The following PLTP variants were observed in gnomAD, a reference collection of about 807,000 sequenced individuals.
The protein encoded by PLTP is phospholipid transfer protein.
Under a neutral mutation model 54.1 loss-of-function variants are expected in PLTP, and 43 were observed. The ratio of observed to expected loss-of-function variants is 0.79; its 90% CI spans 0.62 to 1.02. The LOEUF (loss-of-function observed/expected upper bound fraction) is 1.02, where lower values mean the gene tolerates loss of function less well. Ranked by LOEUF, PLTP falls within the 50% of genes least tolerant of loss-of-function variation. PLTP has a pLI of 0.00. For synonymous variants in PLTP, 263 were observed against 264.6 expected, an observed-to-expected ratio of 0.99 and a Z score of 0.06; for missense variants, 604 against 645.9, an observed-to-expected ratio of 0.94 and a Z score of 0.70.
At chr20:45,901,826 G>A (rs1317869436) in intron 12 of PLTP, among the ~76,000 whole-genome samples, 4 of 151,448 alleles carry the variant, frequency 2.6e-5, no homozygotes, top group Admixed American at 1.3e-4. Context: ...CTAAACCCGG[G>A]AGGCAGAGGT....
At chr20:45,906,213 G>T in intron 8 of PLTP, 55 bp downstream of exon 8, 1 of 1,228,920 alleles carries the variant, frequency 8.1e-7, no homozygotes, top group South Asian at 1.2e-5. Flanking sequence ...CAACTTAGCA[G>T]AGAAAGAGGT....
In PLTP at chr20:45,907,709, A is replaced by C; in HGVS notation, c.596T>G (p.Leu199Arg). The C allele has an allele frequency of 6.2e-7, 1 of 1,613,858 alleles. No homozygotes were observed. The highest frequency in any genetic ancestry group is 8.5e-7 in the Non-Finnish European group (1 of 1,179,950). ...YHAGTVLLNSLLDTVPVRSSV... is the reference protein window; with the variant it reads ...YHAGTVLLNSRLDTVPVRSSV... ...CAACTCACCAGGCACGGTGTCCAGGAGGGAGTTGAGCAGGACCGTCCCTGC... is the reference window on the plus strand; with the variant it reads ...CAACTCACCAGGCACGGTGTCCAGGCGGGAGTTGAGCAGGACCGTCCCTGC... The change falls in exon 7 of 16, where the codon CTC becomes CGC. Residue 199 changes from leucine (L) to arginine (R), a missense_variant. Physicochemically the swap from Leu to Arg is moderately radical, Grantham distance 102. Coordinates refer to ENST00000372431, the MANE Select transcript of PLTP (RefSeq NM_006227.4).
intron 4 of PLTP, 96 bp downstream of exon 4, chr20:45,909,846 G>T: frequency 6.6e-7 from 1 of 1,524,172 alleles, no homozygotes; most frequent in South Asian, 1.1e-5. Flanking sequence ...TGAAGAAACG[G>T]AAACTCAGGA....
At chr20:45,910,295 C>T (rs1014485886) in intron 3 of PLTP, among the ~76,000 whole-genome samples, 1 of 152,102 alleles carries the variant, frequency 6.6e-6, no homozygotes, top group Non-Finnish European at 1.5e-5. Context: ...TAAAAATGAG[C>T]TTCACCCCAT....
intron 3 of PLTP, 96 bp from the exon 4 acceptor site, chr20:45,910,166 G>A: frequency 2.2e-6 from 3 of 1,379,738 alleles, no homozygotes; most frequent in South Asian, 2.3e-5. Flanking sequence ...TCCAGGCCTG[G>A]GGAAGCGGGA....
At chr20:45,911,052 C>G in intron 3 of PLTP, 100 bp downstream of exon 3, 1 of 1,610,024 alleles carries the variant, frequency 6.2e-7, no homozygotes, top group Non-Finnish European at 8.5e-7. Flanking sequence ...CACGCCCCAT[C>G]CCACTCAGCC....
chr20:45,906,742 T>C (rs12481312), intron 7 of PLTP, among the ~76,000 whole-genome samples: 28,543 of 120,582 alleles, frequency 0.24, 5,242 homozygotes, highest in Non-Finnish European at 0.37. Flanking sequence ...AATACAAAAA[T>C]TAGTTGGGCA....
intron 7 of PLTP, among the ~76,000 whole-genome samples, chr20:45,907,293 C>A (rs145845396): frequency 6.7e-6 from 1 of 148,308 alleles, no homozygotes; most frequent in Non-Finnish European, 1.5e-5. Context: ...CGCCACTGGA[C>A]TCCAGCCTGG....
rs201557719 is a variant in PLTP at position 45,910,063 on chromosome 20, C to G, written c.208G>C (p.Val70Leu). The G allele has an allele frequency of 1.2e-6, 2 of 1,613,992 alleles. No individual in the cohort carries two copies. The highest frequency in any genetic ancestry group is 8.5e-7 in the Non-Finnish European group (1 of 1,179,938). The change falls in exon 4 of 16, where the codon GTC becomes CTC. Residue 70 changes from valine (V) to leucine (L), a missense_variant. By Grantham distance (32) the Val-to-Leu change is conservative (BLOSUM62 1). Coordinates refer to ENST00000372431, the MANE Select transcript of PLTP (RefSeq NM_006227.4). Reference protein sequence around the residue: ...HFYYNISEVKVTELQLTSSEL... With the variant: ...HFYYNISEVKLTELQLTSSEL... ...GAAGATGTCAGTTGCAGCTCTGTGA[C>G]CTTCACCCTACAGGAGGCCTCAGGG...
Position 45,898,870 on chromosome 20 carries a change from G to A in PLTP, c.*71C>T. ...GGTTAGAGGGGGCACTACAGGCTAT[G>A]AATGTGGGAAAAGAGGGGCTGAGAG... On this transcript the variant is annotated 3_prime_UTR_variant, in exon 16 of 16. Transcript: ENST00000372431. This position sits in a 1 kb window ranked among gnomAD's most constrained non-coding sequence, Gnocchi z 4.6. 6.4e-7 allele frequency: 1 copy of A among 1,569,462 alleles called. No homozygotes were observed. Among genetic ancestry groups the A allele is most frequent in the Non-Finnish European group, 8.7e-7 (1 of 1,150,840 alleles).
chr20:45,906,164 T>C (rs2083236435), intron 8 of PLTP, 104 bp downstream of exon 8: 5 of 774,056 alleles, frequency 6.5e-6, no homozygotes, highest in Non-Finnish European at 1.1e-5. Context: ...GTAATGGGAG[T>C]GGCCTCATCA....
chr20:45,902,725 C>T, intron 10 of PLTP, 121 bp from the exon 11 acceptor site: 1 of 1,026,748 alleles, frequency 9.7e-7, no homozygotes, highest in Non-Finnish European at 1.4e-6. Context: ...ATTGCAAATA[C>T]AGAGGGAGCT....
chr20:45,898,855 G>A lies in PLTP; in HGVS notation c.*86C>T, dbSNP rs2083143487. ...CTCTGTGGCACTGGGGGTTAGAGGGGGCACTACAGGCTATGAATGTGGGAA... is the reference window on the plus strand; with the variant it reads ...CTCTGTGGCACTGGGGGTTAGAGGGAGCACTACAGGCTATGAATGTGGGAA... On this transcript the variant is annotated 3_prime_UTR_variant, in exon 16 of 16. Coordinates refer to ENST00000372431, the MANE Select transcript of PLTP (RefSeq NM_006227.4). The surrounding 1 kb of genome is among the most constrained non-coding windows in gnomAD (Gnocchi z 4.6). 1 of 1,464,050 alleles carries A rather than the reference G, an allele frequency of 6.8e-7. No homozygotes were observed. Among genetic ancestry groups the A allele is most frequent in the Non-Finnish European group, 9.3e-7 (1 of 1,069,652 alleles). The allele number at this position is 1,464,050 out of a possible 1,614,324, so 90.7% of individuals were successfully genotyped here.
rs1161415642 is a variant in PLTP at position 45,910,967 on chromosome 20, C to T, written c.200+185G>A. 23 of 1,483,674 alleles carry T rather than the reference C, an allele frequency of 1.6e-5. No individual in the cohort carries two copies. The Middle Eastern group carries it at 7.4e-4, about 48-fold the overall frequency. 91.9% of individuals were successfully genotyped at this position (1,483,674 alleles called of 1,614,324 possible). ...AAGGCCACGCCCATCTGCCTGGTCC[C>T]GCCTATGATGACTGGCTTGGCCTTT... On this transcript the variant is annotated intron_variant, in intron 3 of 15. Transcript: ENST00000372431.
chr20:45,906,727 C>A (rs2083242315), intron 7 of PLTP, among the ~76,000 whole-genome samples: 1 of 147,738 alleles, frequency 6.8e-6, no homozygotes, highest in Non-Finnish European at 1.5e-5. Context: ...CCCGTCTCTA[C>A]TAAAAATACA....
rs2083228924 is a variant in PLTP, at chr20:45,905,223, G to C, written c.706-105C>G. Reference sequence around the variant, plus strand: ...TGCTAGGCACTGTGGGGGGATGGTGGGAACCCAGCTGCTGTTCTTGGAGGA... The same window carrying C: ...TGCTAGGCACTGTGGGGGGATGGTGCGAACCCAGCTGCTGTTCTTGGAGGA... On this transcript the variant is annotated intron_variant, in intron 8 of 15. Coordinates refer to ENST00000372431, the MANE Select transcript of PLTP (RefSeq NM_006227.4). The C allele has an allele frequency of 3.1e-6, 3 of 958,928 alleles. No individual in the cohort carries two copies. The African/African-American group carries it at 4.8e-5, about 15-fold the overall frequency. 59.4% of individuals were successfully genotyped at this position (958,928 alleles called of 1,614,324 possible).
In PLTP at chr20:45,899,471, C is replaced by T. The variant is rs896207883; in HGVS notation, c.1350G>A (p.Thr450=). Residue 450 remains threonine (T), a synonymous_variant, in exon 15 of 16, where the codon ACG becomes ACA. Transcript: ENST00000372431. ...EGINFVHEVV[T]NHAGFLTIGA... ...TCCTGCCCCCACTCACCGCATGGTT[C>T]GTCACCACCTCATGCACAAAGTTGA... 3.7e-5 allele frequency: 60 copies of T among 1,613,982 alleles called. No individual in the cohort carries two copies. Among genetic ancestry groups the T allele is most frequent in the South Asian group, 6.6e-5 (6 of 91,074 alleles).
intron 10 of PLTP, 111 bp downstream of exon 10, chr20:45,904,689 A>G: frequency 1.0e-6 from 1 of 984,546 alleles, no homozygotes; most frequent in Admixed American, 1.7e-5. Flanking sequence ...TTGGCCACAG[A>G]CAAGAGGCCA....
chr20:45,902,420 C>T lies in PLTP; in HGVS notation c.1107+20G>A. ...TTTTCCCTGACCCCCAGCCAGCAGCCCCCACTCTGGGACCCGTACCATAGT... is the reference window on the plus strand; with the variant it reads ...TTTTCCCTGACCCCCAGCCAGCAGCTCCCACTCTGGGACCCGTACCATAGT... On this transcript the variant is annotated intron_variant, in intron 11 of 15. Coordinates refer to ENST00000372431, the MANE Select transcript of PLTP (RefSeq NM_006227.4). 1 of 1,614,202 alleles carries T rather than the reference C, an allele frequency of 6.2e-7. No homozygotes were observed. The highest frequency in any genetic ancestry group is 8.5e-7 in the Non-Finnish European group (1 of 1,180,012).
Sources: gnomAD v4.1 joint callset for allele counts (sites outside exome capture counted in the v4.1 genomes callset) on GRCh38, gnomAD v4.1.1 for gene constraint, Gnocchi (gnomAD v3.1) non-coding constraint, MANE v1.5 for transcripts, NCBI Gene and HGNC (gene_info 2026-07-23, HGNC 2026-07-21) for gene names.